Variants in ARFGEF2 observed in about 807,000 individuals in gnomAD.
The protein encoded by ARFGEF2 is ARF guanine nucleotide exchange factor 2.
In ARFGEF2, 74 loss-of-function variants were observed where a neutral mutation model predicts 219.9. That is an observed-to-expected ratio of 0.34 (90% CI 0.28 to 0.41). The LOEUF is 0.41. Ranked by LOEUF, ARFGEF2 falls within the 10% of genes least tolerant of loss-of-function variation. The pLI, the probability that ARFGEF2 is intolerant of heterozygous loss-of-function variation, is 1.00. For missense variants in ARFGEF2, 1,743 were observed against 2,218.3 expected (o/e 0.79, Z 4.30); for synonymous variants, 733 against 799.2 (o/e 0.92, Z 1.40).
intron 6 of ARFGEF2, among the ~76,000 whole-genome samples, chr20:48,962,315 A>G (rs2091158302): frequency 6.6e-6 from 1 of 152,242 alleles, no homozygotes; most frequent in Non-Finnish European, 1.5e-5. Flanking sequence ...TCACACCAGC[A>G]TCACCACGAA....
chr20:48,991,241 C>T (rs1159697445), intron 21 of ARFGEF2, 43 bp downstream of exon 21: 4 of 1,610,088 alleles, frequency 2.5e-6, no homozygotes, highest in Non-Finnish European at 3.4e-6. Context: ...TAGGATGACT[C>T]CTGGCTTCCT....
intron 26 of ARFGEF2, among the ~76,000 whole-genome samples, chr20:49,007,180 C>G (rs2091466229): frequency 6.6e-6 from 1 of 151,994 alleles, no homozygotes. Context: ...ACACCATGTG[C>G]TGATGAATTG....
intron 1 of ARFGEF2, among the ~76,000 whole-genome samples, chr20:48,931,909 A>G (rs1316032855): frequency 2.0e-5 from 3 of 152,122 alleles, no homozygotes; most frequent in Non-Finnish European, 4.4e-5. Flanking sequence ...TTGTGATCTG[A>G]GTTACATTTT....
At chr20:49,019,833 C>T (rs1361412540) in intron 34 of ARFGEF2, among the ~76,000 whole-genome samples, 2 of 152,060 alleles carry the variant, frequency 1.3e-5, no homozygotes, top group Non-Finnish European at 2.9e-5. Context: ...ATTGTTGGCC[C>T]CTTTTTTATT....
At chr20:48,993,508 A>G (rs888294712) in intron 21 of ARFGEF2, among the ~76,000 whole-genome samples, 7 of 152,240 alleles carry the variant, frequency 4.6e-5, no homozygotes, top group Admixed American at 1.3e-4. Context: ...GCTCAGTGGT[A>G]TAGTGGAGTC....
intron 25 of ARFGEF2, 71 bp from the exon 26 acceptor site, chr20:49,004,999 T>C: frequency 1.9e-6 from 3 of 1,554,194 alleles, no homozygotes; most frequent in Non-Finnish European, 2.7e-6. Flanking sequence ...TGTCCATCTT[T>C]GCTGTTGAGA....
At chr20:48,987,574 A>G (rs2123457635) in intron 16 of ARFGEF2, among the ~76,000 whole-genome samples, 1 of 152,280 alleles carries the variant, frequency 6.6e-6, no homozygotes, top group African/African-American at 2.4e-5. Context: ...ATGGCACAAA[A>G]TAGATGTTCT....
rs939895737 is a variant in ARFGEF2 at position 49,013,759 on chromosome 20, T to G, written c.4049+65T>G. ...AATGAACCTCAGTCACTTGCTCACC[T>G]GACCCCACTCTCTTCTCTGTTGTTC... is the stretch of plus-strand genomic sequence containing the variant. On this transcript the variant is annotated intron_variant, in intron 29 of 38. Transcript: ENST00000371917. 3 of 1,614,042 alleles carry G rather than the reference T, an allele frequency of 1.9e-6. No homozygotes were observed. In the East Asian group the frequency reaches 6.7e-5, roughly 36 times the overall value.
chr20:49,018,351 GCCTCCCGCCAA>G (rs2091543961), intron 33 of ARFGEF2, among the ~76,000 whole-genome samples: 1 of 152,102 alleles, frequency 6.6e-6, no homozygotes, highest in Admixed American at 6.6e-5. Context: ...TCATGCCTCA[GCCTCCCGCCAA>G]GTAGCTGGGA....
chr20:48,956,067 C>G lies in ARFGEF2; in HGVS notation c.838+2277C>G, dbSNP rs183832618. On this transcript the variant is annotated intron_variant, in intron 6 of 38. Transcript: ENST00000371917. ...AAGAGGGAGTTGAACAAGGGAGACA[C>G]GTACCCAGGGGCGGAGTCCAGGCAT... Among the ~76,000 whole-genome samples, 275 of 152,294 alleles carry G rather than the reference C, an allele frequency of 1.8e-3. 1 individual carries two copies. The highest frequency in any genetic ancestry group is 1.9e-3 in the Non-Finnish European group (127 of 68,014).
chr20:49,002,727 T>C (rs1438626788), intron 25 of ARFGEF2, among the ~76,000 whole-genome samples: 1 of 150,320 alleles, frequency 6.7e-6, no homozygotes, highest in African/African-American at 2.5e-5. Context: ...TTCTCTTGCC[T>C]CAGCCTCCCA....
Position 48,937,802 on chromosome 20 carries a change from TC to T in ARFGEF2, c.122-3394del, listed in dbSNP as rs1194036465. ...GCCAGTCCTGTCAACGCTTGCTCAT[TC>T]CCATTCCAAAACCAGGTTTTACCTT... On this transcript the variant is annotated intron_variant, in intron 1 of 38. Coordinates refer to ENST00000371917, the MANE Select transcript of ARFGEF2 (RefSeq NM_006420.3). 1.5e-4 allele frequency among the ~76,000 whole-genome samples: 23 copies of T among 152,264 alleles called. No individual in the cohort carries two copies. In the East Asian group the frequency reaches 2.1e-3, roughly 14 times the overall value.
At chr20:48,960,287 A>G (rs1207891839) in intron 6 of ARFGEF2, among the ~76,000 whole-genome samples, 1 of 152,180 alleles carries the variant, frequency 6.6e-6, no homozygotes, top group Non-Finnish European at 1.5e-5. Context: ...AAGTACAGTC[A>G]CAATGCAGTA....
rs768779186 is a variant in ARFGEF2 at position 48,966,003 on chromosome 20, T to G, written c.1039T>G (p.Leu347Val). Residue 347 changes from leucine to valine, a missense_variant, in exon 8 of 39, where the codon TTG becomes GTG. Physicochemically the swap from Leu to Val is conservative, Grantham distance 32. This residue lies in a region of ARFGEF2 where 394 missense variants were observed against 426.6 expected (regional missense o/e 0.92). Coordinates refer to ENST00000371917, the MANE Select transcript of ARFGEF2 (RefSeq NM_006420.3). ...CGGGATAGCCGATGACAGGCAGTCC[T>G]TGTCGTCAGCAGATAATCTGGTATG... is the stretch of plus-strand genomic sequence containing the variant. ...TNGIADDRQS[L>V]SSADNLESDA... 1.9e-6 allele frequency: 3 copies of G among 1,614,126 alleles called. No homozygotes were observed. The highest frequency in any genetic ancestry group is 2.5e-6 in the Non-Finnish European group (3 of 1,179,948).
chr20:48,996,009 A>C (rs2091383730), intron 23 of ARFGEF2, 127 bp downstream of exon 23: 1 of 831,032 alleles, frequency 1.2e-6, no homozygotes, highest in South Asian at 1.4e-5. Context: ...AAATTGCTTA[A>C]GTGTCACATT....
intron 25 of ARFGEF2, among the ~76,000 whole-genome samples, chr20:49,001,944 T>A (rs547192157): frequency 6.6e-6 from 1 of 152,214 alleles, no homozygotes; most frequent in Admixed American, 6.5e-5. Flanking sequence ...TTTAAGAAAT[T>A]GTAATAAAAT....
chr20:48,976,329 G>T (rs1292741633), intron 14 of ARFGEF2, 130 bp downstream of exon 14: 2 of 1,128,196 alleles, frequency 1.8e-6, no homozygotes, highest in Non-Finnish European at 2.6e-6. Context: ...AGCTAAGCCT[G>T]ATTGAGCCAG....
intron 31 of ARFGEF2, among the ~76,000 whole-genome samples, chr20:49,016,802 G>A (rs1013934311): frequency 2.0e-5 from 3 of 152,124 alleles, no homozygotes; most frequent in Non-Finnish European, 2.9e-5. Context: ...TAGCACATTA[G>A]AACTGGATTC....
Position 48,964,201 on chromosome 20 carries a change from G to A in ARFGEF2, c.907+303G>A, listed in dbSNP as rs528638951. Among the ~76,000 whole-genome samples the A allele has an allele frequency of 2.0e-5, 3 of 152,292 alleles. No individual in the cohort carries two copies. In the East Asian group the frequency reaches 5.8e-4, roughly 29 times the overall value. Reference sequence around the variant, plus strand: ...AGGCGGGCGGTTCACGAGGTCAGGAGTTCAAGACCAGCCCAGCCAATATGG... The same window carrying A: ...AGGCGGGCGGTTCACGAGGTCAGGAATTCAAGACCAGCCCAGCCAATATGG... On this transcript the variant is annotated intron_variant, in intron 7 of 38. Transcript: ENST00000371917.
Sources: gnomAD v4.1 joint callset for allele counts (sites outside exome capture counted in the v4.1 genomes callset) on GRCh38, gnomAD v4.1.1 for gene constraint, gnomAD v4.1.1 regional missense constraint, MANE v1.5 for transcripts, NCBI Gene and HGNC (gene_info 2026-07-23, HGNC 2026-07-21) for gene names.